PDZD2: variants seen among roughly 807,000 people sequenced by gnomAD.
The protein encoded by PDZD2 is PDZ domain containing 2.
In PDZD2, 90 loss-of-function variants were observed where a neutral mutation model predicts 220.7. The observed-to-expected ratio is 0.41, with a 90% CI of 0.34 to 0.49. PDZD2 has a LOEUF of 0.49. Among genes scored for constraint, PDZD2 ranks in the 20% least tolerant of loss-of-function variants. The pLI is 0.28. For missense variants in PDZD2, 3,174 were observed against 3,608.5 expected (o/e 0.88, Z 3.08); for synonymous variants, 1,375 against 1,450.5 (o/e 0.95, Z 1.18).
chr5:32,086,843 ATTTTTT>A (rs10710224), intron 19 of PDZD2, among the ~76,000 whole-genome samples: 2 of 85,208 alleles, frequency 2.3e-5, no homozygotes, highest in East Asian at 3.6e-4. Context: ...TGCCCAGCTA[ATTTTTT>A]TTTTTTTTTT....
intron 2 of PDZD2, among the ~76,000 whole-genome samples, chr5:31,961,439 G>C (rs753041935): frequency 2.0e-5 from 3 of 151,818 alleles, no homozygotes; most frequent in Non-Finnish European, 4.4e-5. Flanking sequence ...GGAAGCTGAA[G>C]TGAGAGGATC....
At chr5:32,006,143 C>CTTCAAAA (rs1752775551) in intron 5 of PDZD2, among the ~76,000 whole-genome samples, 1 of 130,060 alleles carries the variant, frequency 7.7e-6, no homozygotes, top group Non-Finnish European at 1.5e-5. Context: ...TGAGACTCCA[C>CTTCAAAA]TTCAAAAAAA....
intron 7 of PDZD2, among the ~76,000 whole-genome samples, chr5:32,045,547 T>G (rs184091212): frequency 2.8e-4 from 43 of 151,382 alleles, no homozygotes; most frequent in African/African-American, 1.0e-3. Flanking sequence ...CAGCCTCCCG[T>G]GTAGCTGGGA....
intron 2 of PDZD2, among the ~76,000 whole-genome samples, chr5:31,830,458 G>A (rs1221353524): frequency 6.6e-6 from 1 of 151,834 alleles, no homozygotes; most frequent in Non-Finnish European, 1.5e-5. Flanking sequence ...TTACAGGCGT[G>A]AGCCACTGCA....
intron 1 of PDZD2, among the ~76,000 whole-genome samples, chr5:31,746,415 C>T (rs924956562): frequency 6.6e-6 from 1 of 152,142 alleles, no homozygotes; most frequent in Non-Finnish European, 1.5e-5. Context: ...TAACAATGTC[C>T]ATCGTGGGTG....
intron 1 of PDZD2, among the ~76,000 whole-genome samples, chr5:31,712,376 C>G (rs78952697): frequency 0.023 from 3,512 of 152,138 alleles, 143 homozygotes; most frequent in African/African-American, 0.08. Context: ...GAATGTTTTG[C>G]TCTTGGGTCA....
intron 14 of PDZD2, among the ~76,000 whole-genome samples, chr5:32,062,646 G>A (rs1376072710): frequency 1.3e-5 from 2 of 152,034 alleles, no homozygotes; most frequent in African/African-American, 4.8e-5. Flanking sequence ...CACACACCTT[G>A]GCCTCCCAAA....
intron 1 of PDZD2, among the ~76,000 whole-genome samples, chr5:31,711,196 T>C (rs1261341901): frequency 6.6e-6 from 1 of 152,158 alleles, no homozygotes; most frequent in Non-Finnish European, 1.5e-5. Context: ...ACTGCCCTTT[T>C]TCCTAAGACA....
chr5:31,951,689 C>A (rs1747196631), intron 2 of PDZD2, among the ~76,000 whole-genome samples: 1 of 152,166 alleles, frequency 6.6e-6, no homozygotes, highest in African/African-American at 2.4e-5. Context: ...TTAGAACGTG[C>A]TGTTACATCA....
At chr5:32,003,446 TCCC>T (rs143898797) in intron 5 of PDZD2, among the ~76,000 whole-genome samples, 3 of 17,902 alleles carry the variant, frequency 1.7e-4, no homozygotes, top group Admixed American at 7.3e-4. Context: ...CCCTACACAC[TCCC>T]CCCAACACAC....
chr5:31,803,261 CTTTTTTTTTTTT>C (rs759569783), intron 2 of PDZD2, among the ~76,000 whole-genome samples: 1 of 92,256 alleles, frequency 1.1e-5, no homozygotes, highest in Non-Finnish European at 2.0e-5. Context: ...CTGCATCTGG[CTTTTTTTTTTTT>C]TTTTTTTTTT....
chr5:32,080,920 G>A (rs1581444490), intron 19 of PDZD2, among the ~76,000 whole-genome samples: 2 of 151,988 alleles, frequency 1.3e-5, no homozygotes, highest in South Asian at 2.1e-4. Flanking sequence ...AGCCTGTTGC[G>A]GATGGGGTGG....
At chr5:32,037,515 G>A (rs1022548928) in intron 7 of PDZD2, among the ~76,000 whole-genome samples, 173 bp downstream of exon 7, 47 of 152,188 alleles carry the variant, frequency 3.1e-4, no homozygotes, top group African/African-American at 1.1e-3. Flanking sequence ...CCTCCTGCCT[G>A]TGTGAATTTC....
At chr5:31,861,101 A>C (rs1327796166) in intron 2 of PDZD2, among the ~76,000 whole-genome samples, 2 of 152,202 alleles carry the variant, frequency 1.3e-5, no homozygotes, top group African/African-American at 4.8e-5. Flanking sequence ...AAAAGACGCA[A>C]AATAGATGGC....
chr5:31,885,654 T>TA (rs994882401), intron 2 of PDZD2, among the ~76,000 whole-genome samples: 6 of 152,018 alleles, frequency 3.9e-5, no homozygotes, highest in African/African-American at 7.2e-5. Context: ...GCCACAAATG[T>TA]AAAAAAAGAA....
At chr5:31,994,335 T>G (rs1006353213) in intron 3 of PDZD2, among the ~76,000 whole-genome samples, 3 of 151,882 alleles carry the variant, frequency 2.0e-5, no homozygotes, top group Non-Finnish European at 2.9e-5. Context: ...TTAAAGATTT[T>G]TATAGGGGTT....
chr5:31,858,115 C>T lies in PDZD2; in HGVS notation c.476+58391C>T, dbSNP rs182920127. 3.9e-4 allele frequency among the ~76,000 whole-genome samples: 59 copies of T among 152,162 alleles called. 1 individual carries two copies. In the South Asian group the frequency reaches 7.7e-3, roughly 20 times the overall value. On this transcript the variant is annotated intron_variant, in intron 2 of 24. Transcript: ENST00000438447. ...TGCTAGGATTACAGGTGTGAGCCAC[C>T]GCACCTGGCCTTTTTTTGTGTGTTT...
rs547175359 is a variant in PDZD2, at chr5:31,652,708, A to G, written c.-361+13271A>G. On this transcript the variant is annotated intron_variant, in intron 1 of 24. Coordinates refer to ENST00000438447, the MANE Select transcript of PDZD2 (RefSeq NM_178140.4). The stretch of plus-strand genomic sequence containing the variant: ...ACCAGAGGGAGGAAAAATGGTGAAA[A>G]CATTGCTTCAAGAACATAGTGGCCA... Among the ~76,000 whole-genome samples, 4 of 152,270 alleles carry G rather than the reference A, an allele frequency of 2.6e-5. No homozygotes were observed. In the East Asian group the frequency reaches 7.7e-4, roughly 29 times the overall value.
At chr5:31,813,463 A>G in intron 2 of PDZD2, among the ~76,000 whole-genome samples, 1 of 151,930 alleles carries the variant, frequency 6.6e-6, no homozygotes, top group East Asian at 1.9e-4. Flanking sequence ...AAAAAAAAAA[A>G]AAAAAAAAAA....
Sources: allele counts gnomAD v4.1 joint callset (sites outside exome capture counted in the v4.1 genomes callset), GRCh38; gene constraint gnomAD v4.1.1; transcripts MANE v1.5; gene names NCBI Gene and HGNC (gene_info 2026-07-23, HGNC 2026-07-21).